The following TAF2 variants were observed in gnomAD, a reference collection of about 807,000 sequenced individuals.
TAF2 encodes the protein TATA-box binding protein associated factor 2.
A neutral mutation model predicts 138.5 loss-of-function variants in TAF2; 61 were observed. That is an observed-to-expected ratio of 0.44 (90% confidence interval 0.36 to 0.54). The LOEUF (loss-of-function observed/expected upper bound fraction) is 0.54. TAF2 is among the 20% of genes least tolerant of loss of function. The probability of loss-of-function intolerance (pLI) is 0.00; values close to 1 mark genes in which losing one functional copy is unlikely to be tolerated. For synonymous variants in TAF2, 475 were observed against 469.9 expected (o/e 1.01, Z -0.14); for missense variants, 1,090 against 1,427.9 (o/e 0.76, Z 3.81).
chr8:119,743,932 G>C (rs1819773833), intron 24 of TAF2, among the ~76,000 whole-genome samples: 1 of 152,122 alleles, frequency 6.6e-6, no homozygotes, highest in Non-Finnish European at 1.5e-5. Flanking sequence ...AAAAGAGAAA[G>C]TGGTGCTACA....
intron 9 of TAF2, among the ~76,000 whole-genome samples, chr8:119,795,040 T>C (rs976376844): frequency 1.2e-4 from 17 of 143,614 alleles, no homozygotes; most frequent in Non-Finnish European, 2.1e-4. Context: ...CTTTAAATCG[T>C]TAAAAAAAAA....
intron 7 of TAF2, 128 bp downstream of exon 7, chr8:119,797,534 A>G (rs774411543): frequency 2.1e-6 from 2 of 946,140 alleles, no homozygotes; most frequent in African/African-American, 3.3e-5. Flanking sequence ...CAAATTTTGT[A>G]CAAAGCCAAT....
chr8:119,812,298 C>A lies in TAF2; in HGVS notation c.300-5897G>T, dbSNP rs115955248. On this transcript the variant is annotated intron_variant, in intron 3 of 25. Transcript: ENST00000378164. ...CAAGGCATTAATAGATAGCTCAAGA[C>A]AGGGAGCCGAATGTGATTGCTGCCT... Among the ~76,000 whole-genome samples the A allele has an allele frequency of 2.8e-3, 426 of 151,844 alleles. 2 individuals are homozygous for A. The highest frequency in any genetic ancestry group is 9.7e-3 in the African/African-American group (400 of 41,412).
At chr8:119,779,487 T>C (rs1822494681) in intron 17 of TAF2, among the ~76,000 whole-genome samples, 1 of 152,140 alleles carries the variant, frequency 6.6e-6, no homozygotes, top group African/African-American at 2.4e-5. Context: ...GACAGATATA[T>C]CAGGTGGACA....
At chr8:119,755,178 T>C (rs1820613811) in intron 22 of TAF2, among the ~76,000 whole-genome samples, 2 of 152,240 alleles carry the variant, frequency 1.3e-5, no homozygotes, top group Admixed American at 6.5e-5. Flanking sequence ...AAACACTGTT[T>C]TCTTACCTCT....
chr8:119,802,342 T>C (rs1443380511), intron 5 of TAF2, among the ~76,000 whole-genome samples: 2 of 152,230 alleles, frequency 1.3e-5, no homozygotes, highest in Non-Finnish European at 1.5e-5. Context: ...TCAGTTTTTA[T>C]GCAGCATTCA....
intron 14 of TAF2, among the ~76,000 whole-genome samples, chr8:119,785,754 A>G (rs1443374013): frequency 6.6e-6 from 1 of 152,208 alleles, no homozygotes; most frequent in Non-Finnish European, 1.5e-5. Flanking sequence ...GTTCAAGATA[A>G]GCAAAAACAA....
intron 18 of TAF2, among the ~76,000 whole-genome samples, chr8:119,773,774 C>CA (rs1177590159): frequency 4.0e-5 from 6 of 151,562 alleles, no homozygotes. Context: ...CAACCTTTCC[C>CA]AGGAAGCCTT....
chr8:119,798,859 T>C (rs1424044994), intron 6 of TAF2, among the ~76,000 whole-genome samples: 2 of 152,084 alleles, frequency 1.3e-5, no homozygotes, highest in South Asian at 2.1e-4. Flanking sequence ...GGGCCCAAAT[T>C]TGTATCATGA....
At chr8:119,738,871 G>A (rs1253141416) in intron 25 of TAF2, among the ~76,000 whole-genome samples, 1 of 151,810 alleles carries the variant, frequency 6.6e-6, no homozygotes, top group African/African-American at 2.4e-5. Context: ...TGTAAGTTCT[G>A]TTCTTCAGAT....
intron 10 of TAF2, chr8:119,791,770 C>T (rs1406211916): frequency 4.5e-6 from 1 of 219,856 alleles, no homozygotes; most frequent in African/African-American, 2.3e-5. Context: ...ATCAATATCC[C>T]AACATTGAAG....
At chr8:119,732,288 GT>G in intron 25 of TAF2, 102 bp from the exon 26 acceptor site, 2 of 1,068,518 alleles carry the variant, frequency 1.9e-6, no homozygotes, top group Non-Finnish European at 1.4e-6. Context: ...GGATTCCTAA[GT>G]TTTTATCACT....
intron 16 of TAF2, 47 bp from the exon 17 acceptor site, chr8:119,781,240 A>T: frequency 1.2e-6 from 2 of 1,607,128 alleles, no homozygotes; most frequent in South Asian, 2.2e-5. Context: ...CAATGCAAAC[A>T]TACTTTAAAA....
rs1220579442 is a variant in TAF2, at chr8:119,731,403, T to G, written c.*521A>C. ...TTGTTCATAAATTCTGATGCTTAGT[T>G]TCTACGTTAATACAAAAATGGTGCA... On this transcript the variant is annotated 3_prime_UTR_variant, in exon 26 of 26. Coordinates refer to ENST00000378164, the MANE Select transcript of TAF2 (RefSeq NM_003184.4). The G allele has an allele frequency of 6.5e-6, 1 of 153,286 alleles. No individual in the cohort carries two copies. The highest frequency in any genetic ancestry group is 1.9e-4 in the East Asian group (1 of 5,232). 9.5% of individuals were successfully genotyped at this position (153,286 alleles called of 1,614,324 possible).
chr8:119,830,466 T>C (rs1446155091), intron 2 of TAF2, among the ~76,000 whole-genome samples: 1 of 152,142 alleles, frequency 6.6e-6, no homozygotes, highest in Non-Finnish European at 1.5e-5. Context: ...TGAACTAGAC[T>C]CCCTAATTCC....
At chr8:119,785,175 C>A in intron 15 of TAF2, 26 bp downstream of exon 15, 5 of 1,575,716 alleles carry the variant, frequency 3.2e-6, no homozygotes, top group Non-Finnish European at 4.4e-6. Context: ...AGTATTATAA[C>A]CTTATATTTA....
rs775662173 is a variant in TAF2 at position 119,746,950 on chromosome 8, T to G, written c.2879-16A>C. On this transcript the variant is annotated splice_polypyrimidine_tract_variant and intron_variant, in intron 22 of 25. Coordinates refer to ENST00000378164, the MANE Select transcript of TAF2 (RefSeq NM_003184.4). The stretch of plus-strand genomic sequence containing the variant: ...TGTGAAGTACCTAAAAAGTAAGTAA[T>G]AAAGAAATGAGTCAATATGCACATT... The G allele has an allele frequency of 1.2e-6, 2 of 1,611,968 alleles. No homozygotes were observed. Among genetic ancestry groups the G allele is most frequent in the Non-Finnish European group, 1.7e-6 (2 of 1,178,424 alleles).
intron 3 of TAF2, 74 bp from the exon 4 acceptor site, chr8:119,806,475 T>TCA: frequency 9.9e-7 from 1 of 1,009,574 alleles, no homozygotes; most frequent in Non-Finnish European, 1.4e-6. Context: ...CTTTCTTTTT[T>TCA]TTTTTTTTTT....
At chr8:119,810,914 G>A (rs572187409) in intron 3 of TAF2, among the ~76,000 whole-genome samples, 1 of 152,244 alleles carries the variant, frequency 6.6e-6, no homozygotes, top group East Asian at 1.9e-4. Context: ...AATAAAATGA[G>A]TGAGTCATTA....
Sources: gnomAD v4.1 joint callset for allele counts (sites outside exome capture counted in the v4.1 genomes callset) on GRCh38, gnomAD v4.1.1 for gene constraint, MANE v1.5 for transcripts, NCBI Gene and HGNC (gene_info 2026-07-23, HGNC 2026-07-21) for gene names.